OXNAD1: variants seen among roughly 807,000 people sequenced by gnomAD.
The protein encoded by OXNAD1 is oxidoreductase NAD binding domain containing 1, also known as oxidoreductase NAD-binding domain-containing protein 1.
In OXNAD1, 34 loss-of-function variants were observed where a neutral mutation model predicts 32.9. The ratio of observed to expected loss-of-function variants is 1.03; its 90% CI spans 0.79 to 1.38. The LOEUF is 1.38. Among genes scored for constraint, OXNAD1 ranks in the 40% most tolerant of loss-of-function variants. OXNAD1 has a pLI of 0.00. For synonymous variants in OXNAD1, 134 were observed against 135.2 expected (o/e 0.99, Z 0.06); for missense variants, 407 against 379.4 (o/e 1.07, Z -0.60).
At position 16,345,327 on chromosome 3, in the gene OXNAD1, C is replaced by T. The variant is rs1203540279; in HGVS notation, c.*31-3849C>T. 1 of 146,620 alleles carries T rather than the reference C, an allele frequency of 6.8e-6. No homozygotes were observed. The highest frequency in any genetic ancestry group is 2.7e-5 in the African/African-American group (1 of 36,678). 9.1% of individuals were successfully genotyped at this position (146,620 alleles called of 1,614,324 possible). A position where few individuals can be genotyped will look rare whatever the true frequency, so the allele number is the denominator to read the frequency against. On this transcript the variant is annotated intron_variant, in intron 9 of 9. Transcript: ENST00000606098. The surrounding 1 kb of genome is among the most constrained non-coding windows in gnomAD (Gnocchi z 5.2). ...TTAAAGCTGTTATAGAATTATCTCC[C>T]ACTTTTTTATCTCAAACACATTGGG...
downstream of OXNAD1, among the ~76,000 whole-genome samples, chr3:16,310,237 T>G (rs528730658): frequency 2.0e-5 from 3 of 152,336 alleles, no homozygotes; most frequent in African/African-American, 4.8e-5. Context: ...AACTTACGCA[T>G]TTTGTGGACC....
intron 4 of OXNAD1, among the ~76,000 whole-genome samples, chr3:16,285,994 T>G (rs1303389217): frequency 6.6e-6 from 1 of 152,218 alleles, no homozygotes; most frequent in Non-Finnish European, 1.5e-5. Flanking sequence ...CTGGCTTGTT[T>G]ACAGAGTTCC....
rs1026448375 is a variant in OXNAD1 at position 16,344,302 on chromosome 3, A to G, written c.*31-4874A>G. ...AGTCAGGGAAACCTACTCAAAAAAG[A>G]AAGTGGATTAGATCAGTAATTTTCA... is the stretch of plus-strand genomic sequence containing the variant. On this transcript the variant is annotated intron_variant, in intron 9 of 9. Transcript: ENST00000606098. The surrounding 1 kb of genome is among the most constrained non-coding windows in gnomAD (Gnocchi z 4.4). 6.6e-6 allele frequency among the ~76,000 whole-genome samples: 1 copy of G among 151,890 alleles called. No individual in the cohort carries two copies. Among genetic ancestry groups the G allele is most frequent in the Non-Finnish European group, 1.5e-5 (1 of 67,988 alleles).
chr3:16,272,955 A>C, intron 4 of OXNAD1, among the ~76,000 whole-genome samples: 1 of 152,104 alleles, frequency 6.6e-6, no homozygotes, highest in South Asian at 2.1e-4. Context: ...CAGATAGTAA[A>C]TACTTTAGAT....
At chr3:16,266,080 A>T (rs1469607491) in intron 1 of OXNAD1, among the ~76,000 whole-genome samples, 1 of 152,232 alleles carries the variant, frequency 6.6e-6, no homozygotes, top group African/African-American at 2.4e-5. Context: ...GTGAAAAAGC[A>T]CTTTCGAGAG....
At chr3:16,286,295 T>G in intron 4 of OXNAD1, 47 bp from the exon 5 acceptor site, 2 of 1,413,552 alleles carry the variant, frequency 1.4e-6, no homozygotes, top group Non-Finnish European at 2.0e-6. Context: ...TTGTCCCTTG[T>G]GCTGTGTACG....
At chr3:16,281,148 G>A (rs1028895876) in intron 4 of OXNAD1, among the ~76,000 whole-genome samples, 10 of 152,180 alleles carry the variant, frequency 6.6e-5, no homozygotes, top group African/African-American at 1.4e-4. Context: ...AAAAGATTTC[G>A]TTGATGTTTT....
Position 16,294,949 on chromosome 3 carries a change from G to A in OXNAD1, c.384G>A (p.Leu128=). The A allele has an allele frequency of 6.2e-7, 1 of 1,612,526 alleles. No individual in the cohort carries two copies. The highest frequency in any genetic ancestry group is 8.5e-7 in the Non-Finnish European group (1 of 1,179,252). ...TAGAACAAGAGAGAGTGATAGAATT[G>A]GCAGTGAAATATACGAACCACCCTC... The part of the protein sequence containing the change: ...RLLEQERVIE[L]AVKYTNHPPA... Residue 128 remains leucine (L), a synonymous_variant, in exon 6 of 9, where the codon TTG becomes TTA. Coordinates refer to ENST00000285083, the MANE Select transcript of OXNAD1 (RefSeq NM_138381.5).
At chr3:16,351,755 G>A (rs1338263211), downstream of OXNAD1, among the ~76,000 whole-genome samples, 5 of 152,146 alleles carry the variant, frequency 3.3e-5, no homozygotes, top group African/African-American at 1.2e-4. This position sits in a 1 kb window ranked among gnomAD's most constrained non-coding sequence, Gnocchi z 5.4. Flanking sequence ...AACTATAAGT[G>A]CAAAAACAAG....
rs1038752021 is a variant in OXNAD1 at position 16,321,702 on chromosome 3, A to C, written c.*31-15410A>C. ...AATGAGGCAGGAAATAATTAGGTAC[A>C]TGGAAAGAGAAAGCAGTCCACCCAG... On this transcript the variant is annotated intron_variant, in intron 9 of 9. Transcript: ENST00000435829. This position sits in a 1 kb window ranked among gnomAD's most constrained non-coding sequence, Gnocchi z 4.8. 2.0e-5 allele frequency among the ~76,000 whole-genome samples: 3 copies of C among 152,230 alleles called. No individual in the cohort carries two copies. The highest frequency in any genetic ancestry group is 7.2e-5 in the African/African-American group (3 of 41,460).
rs1184839710 is a variant in OXNAD1 at position 16,315,318 on chromosome 3, G to GT, written c.*30+11728dup. Among the ~76,000 whole-genome samples, 4 of 152,112 alleles carry GT rather than the reference G, an allele frequency of 2.6e-5. No homozygotes were observed. In the East Asian group the frequency reaches 5.8e-4, roughly 22 times the overall value. ...TTTAGTAGAGACGGGGTTTCACCAC[G>GT]TTGGCCAGGCTGGTCTCGAACTCCT... On this transcript the variant is annotated intron_variant, in intron 9 of 9. Coordinates refer to the OXNAD1 transcript ENST00000435829.
chr3:16,313,791 A>G (rs2068137016), intron 9 of OXNAD1: 2 of 152,188 alleles, frequency 1.3e-5, no homozygotes, highest in Non-Finnish European at 2.9e-5. Context: ...ACCAAGCCCA[A>G]AACAGTGTTA....
chr3:16,318,223 C>T lies in OXNAD1; in HGVS notation c.*30+14631C>T, dbSNP rs553321059. On this transcript the variant is annotated intron_variant, in intron 9 of 9. Transcript: ENST00000435829. ...GTTTCTCAATCTGAATTTCTCATCT[C>T]GGTGGCCCAGAGTGCACGTGGGGTT... Among the ~76,000 whole-genome samples, 6 of 152,246 alleles carry T rather than the reference C, an allele frequency of 3.9e-5. No individual in the cohort carries two copies. The South Asian group carries it at 8.3e-4, about 21-fold the overall frequency.
At chr3:16,273,069 G>C (rs1289696146) in intron 4 of OXNAD1, among the ~76,000 whole-genome samples, 1 of 152,186 alleles carries the variant, frequency 6.6e-6, no homozygotes, top group Non-Finnish European at 1.5e-5. Context: ...CAAACACCCA[G>C]ATTTGGCCTG....
At chr3:16,292,698 G>T (rs11915812) in intron 5 of OXNAD1, among the ~76,000 whole-genome samples, 1 of 152,002 alleles carries the variant, frequency 6.6e-6, no homozygotes, top group African/African-American at 2.4e-5. Flanking sequence ...CTTAATTTTT[G>T]TATATGTTGT....
intron 9 of OXNAD1, among the ~76,000 whole-genome samples, chr3:16,331,894 C>A (rs970554246): frequency 2.0e-5 from 3 of 152,188 alleles, no homozygotes; most frequent in African/African-American, 7.2e-5. Context: ...TAGGTACAGA[C>A]GTCTGGGCTG....
rs1271941505 is a variant in OXNAD1 at position 16,297,275 on chromosome 3, A to T, written c.432+2278A>T. ...TAACCCTGAGGGAAATGTAAATTAA[A>T]ACCATATGTGGTGGGATGCCACTAC... On this transcript the variant is annotated intron_variant, in intron 6 of 8. Coordinates refer to ENST00000285083, the MANE Select transcript of OXNAD1 (RefSeq NM_138381.5). The surrounding 1 kb of genome is among the most constrained non-coding windows in gnomAD (Gnocchi z 4.3). 6.6e-6 allele frequency among the ~76,000 whole-genome samples: 1 copy of T among 152,248 alleles called. No individual in the cohort carries two copies. Among genetic ancestry groups the T allele is most frequent in the East Asian group, 1.9e-4 (1 of 5,198 alleles).
chr3:16,325,329 C>T (rs997667808), intron 9 of OXNAD1, among the ~76,000 whole-genome samples: 4 of 152,172 alleles, frequency 2.6e-5, no homozygotes, highest in African/African-American at 9.7e-5. Context: ...TCCATTCCAC[C>T]GTAAGTGGTC....
chr3:16,310,673 T>C (rs1331976832), downstream of OXNAD1, among the ~76,000 whole-genome samples: 2 of 152,160 alleles, frequency 1.3e-5, no homozygotes, highest in Non-Finnish European at 2.9e-5. Flanking sequence ...AGGGCTTTGC[T>C]GGAATTGCCA....
Sources: allele counts gnomAD v4.1 joint callset (sites outside exome capture counted in the v4.1 genomes callset), GRCh38; gene constraint gnomAD v4.1.1; non-coding constraint Gnocchi (gnomAD v3.1); transcripts MANE v1.5; gene names NCBI Gene and HGNC (gene_info 2026-07-23, HGNC 2026-07-21).